The following PCDHA1 variants were observed in gnomAD, a reference collection of about 807,000 sequenced individuals.
PCDHA1 encodes protocadherin alpha-1.
Under a neutral mutation model 61.3 loss-of-function variants are expected in PCDHA1, and 42 were observed. The observed-to-expected ratio is 0.69, with a 90% confidence interval of 0.54 to 0.89. PCDHA1 has a LOEUF of 0.89. Ranked by LOEUF, PCDHA1 falls within the 40% of genes least tolerant of loss-of-function variation. The probability of loss-of-function intolerance (pLI) is 0.00; values close to 1 mark genes in which losing one functional copy is unlikely to be tolerated. For missense variants in PCDHA1, 1,256 were observed against 1,235.3 expected, an observed-to-expected ratio of 1.02 and a Z score of -0.25; for synonymous variants, 610 against 553.8, an observed-to-expected ratio of 1.10 and a Z score of -1.43.
chr5:140,879,019 T>C (rs1554170641), intron 1 of PCDHA1, among the ~76,000 whole-genome samples: 2 of 152,216 alleles, frequency 1.3e-5, no homozygotes, highest in African/African-American at 4.8e-5. Flanking sequence ...AGATAATGTT[T>C]TATTGAAGAG....
At chr5:140,827,939 G>GA in intron 1 of PCDHA1, 7 of 1,144,254 alleles carry the variant, frequency 6.1e-6, no homozygotes, top group Non-Finnish European at 8.7e-6. Flanking sequence ...GTTATAGCTA[G>GA]CCAACATTCA....
chr5:141,011,221 A>G lies in PCDHA1; in HGVS notation c.*1284A>G, dbSNP rs1392607276. On this transcript the variant is annotated 3_prime_UTR_variant, in exon 4 of 4. Coordinates refer to ENST00000504120, the MANE Select transcript of PCDHA1 (RefSeq NM_018900.4). ...TCTCATACAGTGAGCAGATTTTTCA[A>G]TCTACTAATTCTGTGACTTGTCTTG... is the stretch of plus-strand genomic sequence containing the variant. The G allele has an allele frequency of 1.3e-5, 2 of 153,780 alleles. No individual in the cohort carries two copies. The highest frequency in any genetic ancestry group is 4.8e-5 in the African/African-American group (2 of 41,464). 9.5% of individuals were successfully genotyped at this position (153,780 alleles called of 1,614,324 possible).
At chr5:140,873,454 T>C (rs1251903132) in intron 1 of PCDHA1, among the ~76,000 whole-genome samples, 1 of 152,170 alleles carries the variant, frequency 6.6e-6, no homozygotes, top group African/African-American at 2.4e-5. Context: ...CAAATTTGCA[T>C]TTTAGATAAT....
chr5:140,883,414 T>C, intron 1 of PCDHA1: 1 of 1,614,170 alleles, frequency 6.2e-7, no homozygotes, highest in South Asian at 1.1e-5. Flanking sequence ...CTGGCTCAAA[T>C]GGACAGGTCA....
At chr5:140,919,358 T>C (rs2153553560) in intron 1 of PCDHA1, among the ~76,000 whole-genome samples, 1 of 152,356 alleles carries the variant, frequency 6.6e-6, no homozygotes, top group East Asian at 1.9e-4. Flanking sequence ...AATCTAAAAG[T>C]GTCTCCTGCA....
intron 1 of PCDHA1, chr5:140,836,211 G>T: frequency 6.2e-7 from 1 of 1,613,840 alleles, no homozygotes; most frequent in Non-Finnish European, 8.5e-7. Context: ...GCTTTCGTAT[G>T]AGTTGCAACC....
rs35184029 is a variant in PCDHA1 at position 140,997,668 on chromosome 5, T to TTGTG, written c.2543-11933_2543-11930dup. 2.7e-3 allele frequency among the ~76,000 whole-genome samples: 396 copies of TTGTG among 148,340 alleles called. 1 individual carries two copies. Among genetic ancestry groups the TTGTG allele is most frequent in the African/African-American group, 5.1e-3 (207 of 40,232 alleles). On this transcript the variant is annotated intron_variant, in intron 3 of 3. Transcript: ENST00000504120. ...AATGCAATATGTATTATTATACAGC[T>TTGTG]TGTGTGTGTGTGTGTGTGTGTGTGT...
At chr5:140,837,346 A>G (rs1387832105) in intron 1 of PCDHA1, among the ~76,000 whole-genome samples, 2 of 152,056 alleles carry the variant, frequency 1.3e-5, no homozygotes, top group African/African-American at 2.4e-5. Context: ...AATTTAAAAT[A>G]GTTTAAATGG....
At chr5:140,813,650 T>C (rs1765354351) in intron 1 of PCDHA1, 1 of 152,178 alleles carries the variant, frequency 6.6e-6, no homozygotes, top group African/African-American at 2.4e-5. Flanking sequence ...TGTGCACTAA[T>C]GTAGACTTTA....
At chr5:140,842,485 C>G (rs2150337249) in intron 1 of PCDHA1, 1 of 1,613,908 alleles carries the variant, frequency 6.2e-7, no homozygotes, top group Non-Finnish European at 8.5e-7. Flanking sequence ...TGACCTGCTC[C>G]CTGATGCCCC....
chr5:140,791,189 G>T (rs764194838), intron 1 of PCDHA1, among the ~76,000 whole-genome samples: 1 of 152,228 alleles, frequency 6.6e-6, no homozygotes, highest in Admixed American at 6.5e-5. Context: ...ATTCCTCTGA[G>T]AATGCTGGAG....
At chr5:140,801,947 A>G in intron 1 of PCDHA1, 2 of 1,614,196 alleles carry the variant, frequency 1.2e-6, no homozygotes, top group Non-Finnish European at 1.7e-6. Flanking sequence ...ATAAAGTCAG[A>G]TTACTCGAAA....
At chr5:140,795,391 C>T (rs1562152745) in intron 1 of PCDHA1, 7 of 1,614,162 alleles carry the variant, frequency 4.3e-6, no homozygotes, top group Non-Finnish European at 5.9e-6. Context: ...TATCCGGTTT[C>T]CCGAATCAAG....
chr5:140,982,475 C>T lies in PCDHA1; in HGVS notation c.2454C>T (p.Ser818=). The change falls in exon 3 of 4, where the codon AGC becomes AGT. Residue 818 remains serine, a splice_region_variant and synonymous_variant. Coordinates refer to ENST00000504120, the MANE Select transcript of PCDHA1 (RefSeq NM_018900.4). ...TATCTGGGTCTGTGTGTTTATTCAG[C>T]TCTGTGCACCTAGAGGAGGCTGGCA... The part of the protein sequence containing the change: ...YSASLRAGMH[S]SVHLEEAGIL... 1 of 1,614,154 alleles carries T rather than the reference C, an allele frequency of 6.2e-7. No homozygotes were observed. Among genetic ancestry groups the T allele is most frequent in the African/African-American group, 1.3e-5 (1 of 75,040 alleles).
intron 1 of PCDHA1, chr5:140,829,613 A>G (rs2150171256): frequency 4.3e-6 from 7 of 1,611,960 alleles, no homozygotes; most frequent in Middle Eastern, 2.1e-4. Context: ...GTCGAGCTAC[A>G]TTTCGGTGCA....
At chr5:140,966,477 T>C in intron 1 of PCDHA1, 1 of 432,754 alleles carries the variant, frequency 2.3e-6, no homozygotes, top group Non-Finnish European at 4.0e-6. Context: ...TTCTGTTTCC[T>C]TTTCCCTCCC....
At chr5:140,825,219 T>C (rs1394131939) in intron 1 of PCDHA1, 1 of 151,646 alleles carries the variant, frequency 6.6e-6, no homozygotes, top group East Asian at 1.9e-4. Flanking sequence ...AGTAGATTTG[T>C]TTTTCTTTTA....
intron 1 of PCDHA1, among the ~76,000 whole-genome samples, chr5:140,908,888 C>T (rs2074210125): frequency 1.3e-5 from 2 of 152,122 alleles, no homozygotes; most frequent in African/African-American, 4.8e-5. Flanking sequence ...CCAATAGTCC[C>T]AAATAAGCCT....
chr5:140,868,990 G>A (rs1554162367), intron 1 of PCDHA1: 39 of 1,511,606 alleles, frequency 2.6e-5, no homozygotes, highest in Non-Finnish European at 2.4e-5. Flanking sequence ...GGATGCCACC[G>A]TTTAAGGATC....
Sources: allele counts gnomAD v4.1 joint callset (sites outside exome capture counted in the v4.1 genomes callset), GRCh38; gene constraint gnomAD v4.1.1; transcripts MANE v1.5; gene names NCBI Gene and HGNC (gene_info 2026-07-23, HGNC 2026-07-21).